Variants in TMTC2 observed in about 807,000 individuals in gnomAD.
TMTC2 encodes the protein transmembrane O-mannosyltransferase targeting cadherins 2.
In TMTC2, 43 loss-of-function variants were observed where a neutral mutation model predicts 82.4. The observed-to-expected ratio is 0.52, with a 90% CI of 0.41 to 0.67. The LOEUF (loss-of-function observed/expected upper bound fraction) is 0.67, where lower values mean the gene tolerates loss of function less well. TMTC2 is among the 30% of genes least tolerant of loss of function. The pLI is 0.00. For synonymous variants in TMTC2, 408 were observed against 381.9 expected (o/e 1.07, Z -0.80); for missense variants, 919 against 1,012.4 (o/e 0.91, Z 1.25).
intron 1 of TMTC2, among the ~76,000 whole-genome samples, chr12:82,841,049 G>C (rs888020917): frequency 2.6e-5 from 4 of 152,080 alleles, no homozygotes; most frequent in African/African-American, 9.7e-5. Context: ...CAAAATGCTA[G>C]GATTACAGGT....
At chr12:82,713,118 G>A (rs922853356) in intron 1 of TMTC2, among the ~76,000 whole-genome samples, 10 of 152,096 alleles carry the variant, frequency 6.6e-5, no homozygotes, top group Non-Finnish European at 1.0e-4. Context: ...TCAGGGGTTC[G>A]AGACCAGCGT....
chr12:82,693,438 G>A (rs893513956), intron 1 of TMTC2, among the ~76,000 whole-genome samples: 26 of 152,046 alleles, frequency 1.7e-4, no homozygotes, highest in Admixed American at 1.5e-3. Context: ...TTTCCTACTT[G>A]TTCAGGACAG....
chr12:83,102,430 C>G (rs971897058), intron 11 of TMTC2, among the ~76,000 whole-genome samples: 22 of 152,254 alleles, frequency 1.4e-4, no homozygotes, highest in Admixed American at 1.4e-3. Context: ...TAGACTTTAT[C>G]TTGGCAAGAG....
intron 1 of TMTC2, among the ~76,000 whole-genome samples, chr12:82,746,580 G>T (rs1324594629): frequency 6.6e-6 from 1 of 152,176 alleles, no homozygotes; most frequent in Non-Finnish European, 1.5e-5. Context: ...TTCTAAAGAA[G>T]AGAAGCTAGG....
chr12:82,914,832 T>A (rs900587237), intron 3 of TMTC2, among the ~76,000 whole-genome samples: 5 of 147,048 alleles, frequency 3.4e-5, no homozygotes, highest in African/African-American at 5.0e-5. Flanking sequence ...TTTTTTTTTT[T>A]TTTTTTTTTT....
intron 9 of TMTC2, among the ~76,000 whole-genome samples, chr12:83,032,255 TTTTA>T (rs1479061382): frequency 8.2e-5 from 7 of 85,724 alleles, no homozygotes; most frequent in African/African-American, 3.6e-4. Flanking sequence ...ATAGAGAATA[TTTTA>T]TATATATATA....
chr12:82,975,665 G>C (rs899648423), intron 7 of TMTC2, among the ~76,000 whole-genome samples: 6 of 152,078 alleles, frequency 3.9e-5, no homozygotes, highest in Non-Finnish European at 8.8e-5. Flanking sequence ...CTATTATGGA[G>C]ATATAGTGCT....
chr12:82,904,778 G>A (rs923174221), intron 3 of TMTC2, among the ~76,000 whole-genome samples: 3 of 152,074 alleles, frequency 2.0e-5, no homozygotes, highest in African/African-American at 7.2e-5. Context: ...GCAGTTAAAT[G>A]TGTGATCACC....
intron 1 of TMTC2, among the ~76,000 whole-genome samples, chr12:82,780,380 C>G (rs1330941540): frequency 1.3e-5 from 2 of 151,932 alleles, no homozygotes; most frequent in African/African-American, 4.8e-5. Flanking sequence ...AGATAACTTT[C>G]TGATAACTTC....
At chr12:82,755,931 GA>G (rs972901976) in intron 1 of TMTC2, among the ~76,000 whole-genome samples, 7 of 150,706 alleles carry the variant, frequency 4.6e-5, no homozygotes, top group South Asian at 4.2e-4. Context: ...GCTGTACTAG[GA>G]AAAAAAAACC....
intron 9 of TMTC2, among the ~76,000 whole-genome samples, chr12:83,033,723 C>G (rs1363408447): frequency 6.6e-6 from 1 of 151,214 alleles, no homozygotes; most frequent in Non-Finnish European, 1.5e-5. Context: ...TGCACTCCAG[C>G]CTGGGTGAGA....
chr12:82,755,759 ACC>A lies in TMTC2; in HGVS notation c.83+68092_83+68093del, dbSNP rs1876279061. Among the ~76,000 whole-genome samples the A allele has an allele frequency of 3.9e-5, 6 of 152,276 alleles. No homozygotes were observed. In the South Asian group the frequency reaches 1.2e-3, roughly 32 times the overall value. On this transcript the variant is annotated intron_variant, in intron 1 of 11. Coordinates refer to ENST00000321196, the MANE Select transcript of TMTC2 (RefSeq NM_152588.3). ...TAACTGAAATAGACCTGATTGACAC[ACC>A]CTTGTAAGTTTAGTGTCGGAACTGC...
At chr12:83,058,238 T>C (rs1882615127) in intron 10 of TMTC2, among the ~76,000 whole-genome samples, 2 of 151,944 alleles carry the variant, frequency 1.3e-5, no homozygotes. Flanking sequence ...AATTTGTTTA[T>C]GAGTTTTGTT....
At chr12:83,057,608 AG>A (rs2137466533) in intron 10 of TMTC2, among the ~76,000 whole-genome samples, 1 of 152,060 alleles carries the variant, frequency 6.6e-6, no homozygotes, top group East Asian at 1.9e-4. Context: ...ATTAAAATTT[AG>A]TACTGCTTTG....
chr12:82,967,806 A>G (rs1404680463), intron 7 of TMTC2, among the ~76,000 whole-genome samples: 2 of 152,094 alleles, frequency 1.3e-5, no homozygotes, highest in Non-Finnish European at 2.9e-5. Context: ...GTAAAGTCAA[A>G]TTTTCCCTTT....
chr12:82,814,259 A>C (rs1277449111), intron 1 of TMTC2, among the ~76,000 whole-genome samples: 1 of 152,190 alleles, frequency 6.6e-6, no homozygotes, highest in Non-Finnish European at 1.5e-5. Context: ...TGAATGACAA[A>C]GACTTCCTGG....
chr12:82,715,945 C>T (rs1873874522), intron 1 of TMTC2, among the ~76,000 whole-genome samples: 1 of 152,190 alleles, frequency 6.6e-6, no homozygotes, highest in Non-Finnish European at 1.5e-5. Context: ...CTTCTCCCCT[C>T]CGCTCGTATT....
At chr12:82,900,955 AAT>A (rs1310957007) in intron 3 of TMTC2, among the ~76,000 whole-genome samples, 24 of 64,776 alleles carry the variant, frequency 3.7e-4, no homozygotes, top group African/African-American at 1.7e-3. Flanking sequence ...ATATATCTGG[AAT>A]ATATATATAG....
At chr12:82,706,940 G>T (rs1469007246) in intron 1 of TMTC2, among the ~76,000 whole-genome samples, 1 of 152,200 alleles carries the variant, frequency 6.6e-6, no homozygotes, top group Non-Finnish European at 1.5e-5. Flanking sequence ...ATGCTTCAGA[G>T]TTTGGCACGC....
Sources: gnomAD v4.1 joint callset for allele counts (sites outside exome capture counted in the v4.1 genomes callset) on GRCh38, gnomAD v4.1.1 for gene constraint, MANE v1.5 for transcripts, NCBI Gene and HGNC (gene_info 2026-07-23, HGNC 2026-07-21) for gene names.